The following MUC12 variants were observed in gnomAD, a reference collection of about 807,000 sequenced individuals.
The protein encoded by MUC12 is mucin 12, cell surface associated.
A neutral mutation model predicts 230.8 loss-of-function variants in MUC12; 172 were observed. The observed-to-expected ratio is 0.75, with a 90% CI of 0.66 to 0.85. The LOEUF is 0.85. Ranked by LOEUF, MUC12 falls within the 40% of genes least tolerant of loss-of-function variation. The pLI, the probability that MUC12 is intolerant of heterozygous loss-of-function variation, is 0.00. For missense variants in MUC12, 3,506 were observed against 5,920.6 expected (o/e 0.59, Z 13.38); for synonymous variants, 1,259 against 2,401.9 (o/e 0.52, Z 13.91).
chr7:101,015,363 C>T (rs1445136935), intron 9 of MUC12: 2 of 516,836 alleles, frequency 3.9e-6, no homozygotes, highest in Non-Finnish European at 7.0e-6. Context: ...CTACCCTACG[C>T]CCCCATCTCA....
chr7:100,987,700 C>T (rs887259385), intron 1 of MUC12, among the ~76,000 whole-genome samples: 3 of 152,130 alleles, frequency 2.0e-5, no homozygotes, highest in Non-Finnish European at 4.4e-5. Context: ...GGGCCAGGCG[C>T]GGTGGCTCGC....
intron 5 of MUC12, among the ~76,000 whole-genome samples, chr7:101,010,183 G>A (rs1430452277): frequency 6.6e-6 from 1 of 152,096 alleles, no homozygotes; most frequent in Non-Finnish European, 1.5e-5. Context: ...CTGGAGGTGT[G>A]GGGTGCCCTG....
At chr7:101,015,533 C>A in intron 9 of MUC12, 82 bp from the exon 10 acceptor site, 1 of 1,227,204 alleles carries the variant, frequency 8.1e-7, no homozygotes, top group Non-Finnish European at 1.1e-6. Flanking sequence ...ACTGTCCCCT[C>A]GAGGGAAGCT....
Position 100,992,688 on chromosome 7 carries a change from G to C in MUC12, c.2125G>C (p.Gly709Arg), listed in dbSNP as rs549224668. ...MHFPESDTTS[G>R]RGEESTTSHS... ...CTTCCCTGAAAGCGACACAACTTCAGGCCGTGGTGAAGAATCAACAACTTC... is the reference window on the plus strand; with the variant it reads ...CTTCCCTGAAAGCGACACAACTTCACGCCGTGGTGAAGAATCAACAACTTC... The change falls in exon 2 of 12, where the codon GGC (glycine) becomes CGC (arginine). Residue 709 changes from glycine (G) to arginine (R), a missense_variant. Transcript: ENST00000536621. The C allele has an allele frequency of 9.2e-5, 142 of 1,536,366 alleles. No individual in the cohort carries two copies. In the African/African-American group the frequency reaches 1.8e-3, roughly 20 times the overall value.
In MUC12 at chr7:100,990,676, C is replaced by A. The variant is rs1793266513; in HGVS notation, c.113C>A (p.Ser38Tyr). Residue 38 changes from serine (S) to tyrosine (Y), a missense_variant, in exon 2 of 12, where the codon TCC becomes TAC. Ser to Tyr is a moderately radical substitution (Grantham distance 144). Transcript: ENST00000536621. ...ATTGGAGGTAATACAACTTCTGCAT[C>A]CACACCCAGTTCAAGCGACCCTTTT... Reference protein sequence around the residue: ...TSIGGNTTSASTPSSSDPFTT... With the variant: ...TSIGGNTTSAYTPSSSDPFTT... 6.5e-7 allele frequency: 1 copy of A among 1,537,760 alleles called. No individual in the cohort carries two copies. The highest frequency in any genetic ancestry group is 1.4e-5 in the African/African-American group (1 of 73,160).
chr7:101,004,900 A>C lies in MUC12; in HGVS notation c.14337A>C (p.Thr4779=), dbSNP rs1793714617. The C allele has an allele frequency of 6.5e-7, 1 of 1,537,886 alleles. No individual in the cohort carries two copies. The highest frequency in any genetic ancestry group is 8.7e-7 in the Non-Finnish European group (1 of 1,147,066). Reference sequence around the variant, plus strand: ...GCCAAGCAGAGTCAACACACACAACAGCGTTCCCTGCCAGCACCACCACCT... The same window carrying C: ...GCCAAGCAGAGTCAACACACACAACCGCGTTCCCTGCCAGCACCACCACCT... The part of the protein sequence containing the change: ...LYSQAESTHT[T]AFPASTTTSG... The change falls in exon 2 of 12, where the codon ACA becomes ACC. Residue 4779 remains threonine, a synonymous_variant. Transcript: ENST00000536621.
intron 1 of MUC12, chr7:100,981,648 G>A (rs967329052): frequency 9.7e-6 from 4 of 411,622 alleles, no homozygotes; most frequent in African/African-American, 6.2e-5. Flanking sequence ...GAGTGGTTAA[G>A]GACAAACTGA....
In MUC12 at chr7:100,991,766, T is replaced by C; in HGVS notation, c.1203T>C (p.Pro401=). The change falls in exon 2 of 12, where the codon CCT becomes CCC. Residue 401 remains proline, a synonymous_variant. Coordinates refer to ENST00000536621, the MANE Select transcript of MUC12 (RefSeq NM_001164462.2). The part of the protein sequence containing the change: ...GSTTHTKSST[P]STTAALAHTS... Reference sequence around the variant, plus strand: ...CAACACACACAAAATCTTCAACTCCTAGCACCACAGCTGCCCTAGCACATA... The same window carrying C: ...CAACACACACAAAATCTTCAACTCCCAGCACCACAGCTGCCCTAGCACATA... The C allele has an allele frequency of 6.5e-7, 1 of 1,537,916 alleles. No homozygotes were observed. The highest frequency in any genetic ancestry group is 8.7e-7 in the Non-Finnish European group (1 of 1,147,068).
rs758251011 is a variant in MUC12, at chr7:100,991,861, G to C, written c.1298G>C (p.Arg433Pro). 2 of 1,537,328 alleles carry C rather than the reference G, an allele frequency of 1.3e-6. No individual in the cohort carries two copies. Among genetic ancestry groups the C allele is most frequent in the Non-Finnish European group, 1.7e-6 (2 of 1,146,788 alleles). The change falls in exon 2 of 12, where the codon CGT becomes CCT. Residue 433 changes from arginine to proline, a missense_variant. Transcript: ENST00000536621. ...HFRDSSTISG[R>P]SEESKASHSS... is the part of the protein sequence containing the mutation. ...CGTGATAGCTCCACAATCTCAGGCC[G>C]TAGTGAGGAATCAAAAGCATCCCAC... is the stretch of plus-strand genomic sequence containing the variant.
intron 1 of MUC12, among the ~76,000 whole-genome samples, chr7:100,977,543 T>C (rs1793051701): frequency 6.6e-6 from 1 of 152,050 alleles, no homozygotes; most frequent in Non-Finnish European, 1.5e-5. Context: ...GTTTTGTATT[T>C]TTAGTAGAGA....
chr7:101,009,047 T>A, intron 4 of MUC12, 48 bp from the exon 5 acceptor site: 2 of 1,526,794 alleles, frequency 1.3e-6, no homozygotes, highest in Non-Finnish European at 1.8e-6. Context: ...AACAGGAGAG[T>A]CTTCATGCTC....
rs1488713054 is a variant in MUC12, at chr7:100,995,763, A to G, written c.5200A>G (p.Thr1734Ala). The part of the protein sequence containing the change: ...PTTHFSASST[T>A]LGRSEESTTV... ...AACCCACTTTTCTGCCAGCTCCACAACCTTGGGCCGTAGTGAGGAATCGAC... is the reference window on the plus strand; with the variant it reads ...AACCCACTTTTCTGCCAGCTCCACAGCCTTGGGCCGTAGTGAGGAATCGAC... Residue 1734 changes from threonine (T) to alanine (A), a missense_variant, in exon 2 of 12, where the codon ACC becomes GCC. Coordinates refer to ENST00000536621, the MANE Select transcript of MUC12 (RefSeq NM_001164462.2). 12 of 1,528,846 alleles carry G rather than the reference A, an allele frequency of 7.8e-6. No individual in the cohort carries two copies. The Admixed American group carries it at 1.2e-4, about 15-fold the overall frequency. The allele number at this position is 1,528,846 out of a possible 1,614,324, so 94.7% of individuals were successfully genotyped here. A position where few individuals can be genotyped will look rare whatever the true frequency, so the allele number is the denominator to read the frequency against.
Position 101,004,794 on chromosome 7 carries a change from G to C in MUC12, c.14231G>C (p.Ser4744Thr). 6.5e-7 allele frequency: 1 copy of C among 1,537,678 alleles called. No individual in the cohort carries two copies. The highest frequency in any genetic ancestry group is 8.7e-7 in the Non-Finnish European group (1 of 1,147,030). ...LSAKSTILYSSSRSPDQTLSP... is the reference protein window; with the variant it reads ...LSAKSTILYSTSRSPDQTLSP... ...GCAAAATCTACCATCCTTTACAGTA[G>C]CTCCAGATCACCAGACCAAACACTC... Residue 4744 changes from serine (S) to threonine (T), a missense_variant, in exon 2 of 12, where the codon AGC becomes ACC. Ser to Thr is a moderately conservative substitution (Grantham distance 58, BLOSUM62 1). Coordinates refer to ENST00000536621, the MANE Select transcript of MUC12 (RefSeq NM_001164462.2).
At chr7:100,988,155 G>A (rs552595829) in intron 1 of MUC12, among the ~76,000 whole-genome samples, 1 of 151,016 alleles carries the variant, frequency 6.6e-6, no homozygotes, top group Non-Finnish European at 1.5e-5. Context: ...AAAATTAGCC[G>A]GGTGCAGTGG....
rs1273361836 is a variant in MUC12 at position 101,013,124 on chromosome 7, G to A, written c.15620G>A (p.Arg5207His). Residue 5207 changes from arginine to histidine, a missense_variant, in exon 8 of 12, where the codon CGC becomes CAC. By Grantham distance (29) the Arg-to-His change is conservative. Coordinates refer to ENST00000536621, the MANE Select transcript of MUC12 (RefSeq NM_001164462.2). ...AACCTGGGCACATGTCAGCTGCAAC[G>A]CAGTGGCCCCCGCTGCCTGTGAGTG... The part of the protein sequence containing the change: ...NCNLGTCQLQ[R>H]SGPRCLCPNT... The A allele has an allele frequency of 5.9e-6, 9 of 1,537,272 alleles. No individual in the cohort carries two copies. Among genetic ancestry groups the A allele is most frequent in the East Asian group, 2.4e-5 (1 of 40,922 alleles).
Position 100,991,426 on chromosome 7 carries a change from C to T in MUC12, c.863C>T (p.Ser288Leu), listed in dbSNP as rs1198721514. ...AGCTGGCCAAGCTCAAAGGACACTT[C>T]GCCTGCACCTTCTGGTACCACATCA... ...FQSWPSSKDT[S>L]PAPSGTTSAF... Residue 288 changes from serine (S) to leucine (L), a missense_variant, in exon 2 of 12, where the codon TCG becomes TTG. Transcript: ENST00000536621. The T allele has an allele frequency of 1.3e-5, 20 of 1,537,708 alleles. No individual in the cohort carries two copies. The Admixed American group carries it at 1.6e-4, about 12-fold the overall frequency.
At chr7:100,970,698 C>A (rs1161371745) in intron 1 of MUC12, among the ~76,000 whole-genome samples, 1 of 151,964 alleles carries the variant, frequency 6.6e-6, no homozygotes, top group Non-Finnish European at 1.5e-5. Flanking sequence ...ATGGTGAAAC[C>A]CCAACTCCAC....
Position 101,013,977 on chromosome 7 carries a change from C to T in MUC12, c.15703C>T (p.Leu5235Phe). The change falls in exon 9 of 12, where the codon CTC becomes TTC. Residue 5235 changes from leucine to phenylalanine, a missense_variant. Coordinates refer to ENST00000536621, the MANE Select transcript of MUC12 (RefSeq NM_001164462.2). ...ETCEFNIAKS[L>F]VYGIVGAVMA... ...CTGTGAATTCAACATCGCCAAGAGCCTCGTGTATGGGATCGTGGGGGCTGT... is the reference window on the plus strand; with the variant it reads ...CTGTGAATTCAACATCGCCAAGAGCTTCGTGTATGGGATCGTGGGGGCTGT... 1 of 1,536,460 alleles carries T rather than the reference C, an allele frequency of 6.5e-7. No homozygotes were observed. Among genetic ancestry groups the T allele is most frequent in the Non-Finnish European group, 8.7e-7 (1 of 1,146,570 alleles).
At chr7:101,013,521 T>A (rs997388443) in intron 8 of MUC12, among the ~76,000 whole-genome samples, 18 of 152,182 alleles carry the variant, frequency 1.2e-4, no homozygotes, top group African/African-American at 3.9e-4. Flanking sequence ...TGCCATGCTG[T>A]CAAGATTACC....
Sources: allele counts gnomAD v4.1 joint callset (sites outside exome capture counted in the v4.1 genomes callset), GRCh38; gene constraint gnomAD v4.1.1; transcripts MANE v1.5; gene names NCBI Gene and HGNC (gene_info 2026-07-23, HGNC 2026-07-21).